The following CSGALNACT1 variants were observed in gnomAD, a reference collection of about 807,000 sequenced individuals.
The protein encoded by CSGALNACT1 is chondroitin sulfate N-acetylgalactosaminyltransferase 1.
A neutral mutation model predicts 51.0 loss-of-function variants in CSGALNACT1; 52 were observed. The ratio of observed to expected loss-of-function variants is 1.02; its 90% CI spans 0.82 to 1.29. The LOEUF (loss-of-function observed/expected upper bound fraction) is 1.29. Ranked by LOEUF, CSGALNACT1 falls within the 50% of genes most tolerant of loss-of-function variation. CSGALNACT1 has a pLI of 0.00. For synonymous variants in CSGALNACT1, 341 were observed against 254.4 expected (o/e 1.34, Z -3.24); for missense variants, 935 against 679.2 (o/e 1.38, Z -4.19).
At chr8:19,559,828 T>G (rs1039744073) in intron 3 of CSGALNACT1, among the ~76,000 whole-genome samples, 21 of 152,162 alleles carry the variant, frequency 1.4e-4, no homozygotes, top group Non-Finnish European at 4.4e-5. Context: ...CAAATGAACT[T>G]ATAGAATCAA....
chr8:19,578,659 C>G (rs2044839659), intron 3 of CSGALNACT1, among the ~76,000 whole-genome samples: 1 of 152,036 alleles, frequency 6.6e-6, no homozygotes, highest in African/African-American at 2.4e-5. Context: ...CTACCCACCT[C>G]CCTCTAGACC....
chr8:19,596,771 T>C (rs902966522), intron 2 of CSGALNACT1, among the ~76,000 whole-genome samples: 8 of 152,238 alleles, frequency 5.3e-5, no homozygotes, highest in African/African-American at 1.4e-4. Flanking sequence ...TTATTTTTAC[T>C]TTTAAAGGAT....
rs1386376643 is a variant in CSGALNACT1 at position 19,667,100 on chromosome 8, G to GA, written c.-544+15372_-544+15373insT. 5.5e-5 allele frequency among the ~76,000 whole-genome samples: 3 copies of GA among 54,102 alleles called. 1 individual carries two copies. Among genetic ancestry groups the GA allele is most frequent in the African/African-American group, 1.7e-4 (2 of 11,742 alleles). 35.5% of individuals were successfully genotyped at this position (54,102 alleles called of 152,430 possible). ...GAAAGAAAGAAAGAAAGAAAGAAAG[G>GA]GAAAGAAATCTCATCACAATATCAA... On this transcript the variant is annotated intron_variant, in intron 1 of 9. Transcript: ENST00000332246.
At chr8:19,671,793 A>G (rs1366903877) in intron 1 of CSGALNACT1, among the ~76,000 whole-genome samples, 1 of 152,118 alleles carries the variant, frequency 6.6e-6, no homozygotes. Context: ...GAGAATATAG[A>G]TTTACCAAAT....
At chr8:19,641,126 GTCT>G (rs2056689556) in intron 1 of CSGALNACT1, among the ~76,000 whole-genome samples, 1 of 126,058 alleles carries the variant, frequency 7.9e-6, no homozygotes, top group East Asian at 2.5e-4. Flanking sequence ...ATGGTGACTG[GTCT>G]TTTTTTTTTT....
chr8:19,624,210 C>G (rs1484015756), intron 1 of CSGALNACT1, among the ~76,000 whole-genome samples: 1 of 152,120 alleles, frequency 6.6e-6, no homozygotes, highest in African/African-American at 2.4e-5. Flanking sequence ...TTCCTGATAG[C>G]CCTTATTGTC....
chr8:19,515,587 C>G (rs1300284596), intron 3 of CSGALNACT1, among the ~76,000 whole-genome samples: 1 of 152,208 alleles, frequency 6.6e-6, no homozygotes, highest in African/African-American at 2.4e-5. Flanking sequence ...AATTCTGATT[C>G]AATTTCCCTG....
intron 6 of CSGALNACT1, among the ~76,000 whole-genome samples, chr8:19,427,708 A>T (rs1233907435): frequency 6.6e-6 from 1 of 152,144 alleles, no homozygotes; most frequent in Admixed American, 6.5e-5. Flanking sequence ...GAATGGTGTG[A>T]ACCCAGTGGG....
intron 1 of CSGALNACT1, among the ~76,000 whole-genome samples, chr8:19,639,103 T>C (rs1014615918): frequency 6.6e-6 from 1 of 152,168 alleles, no homozygotes; most frequent in Non-Finnish European, 1.5e-5. Context: ...AATATGAATG[T>C]TTCCCTAGCC....
At chr8:19,545,838 A>G (rs940396684) in intron 3 of CSGALNACT1, among the ~76,000 whole-genome samples, 3 of 148,282 alleles carry the variant, frequency 2.0e-5, no homozygotes, top group African/African-American at 4.9e-5. Context: ...TATATTATGT[A>G]TATATAATAG....
At chr8:19,722,213 G>A (rs1015684467) in intron 1 of CSGALNACT1, among the ~76,000 whole-genome samples, 6 of 152,050 alleles carry the variant, frequency 3.9e-5, no homozygotes, top group Non-Finnish European at 7.4e-5. Context: ...GCTTGAGACC[G>A]CCCTGCCTCT....
At chr8:19,546,635 T>C (rs1002082171) in intron 3 of CSGALNACT1, among the ~76,000 whole-genome samples, 2 of 152,238 alleles carry the variant, frequency 1.3e-5, no homozygotes, top group Non-Finnish European at 2.9e-5. Context: ...GTCAGTATTC[T>C]CATGAATATT....
chr8:19,451,321 A>G (rs992050137), intron 5 of CSGALNACT1, among the ~76,000 whole-genome samples: 2 of 152,120 alleles, frequency 1.3e-5, no homozygotes, highest in African/African-American at 4.8e-5. Flanking sequence ...ATTAGTCCCA[A>G]TTTCTAGGTG....
At position 19,411,761 on chromosome 8, in the gene CSGALNACT1, G is replaced by T. The variant is rs536592559; in HGVS notation, c.1228-3067C>A. On this transcript the variant is annotated intron_variant, in intron 8 of 9. Transcript: ENST00000454498. ...GGAGGAAGGAACCCTAAGATAAAGA[G>T]GAGACTTTAAAAGAAAAACATCTAT... 9.8e-4 allele frequency among the ~76,000 whole-genome samples: 149 copies of T among 152,164 alleles called. 1 individual carries two copies. The highest frequency in any genetic ancestry group is 3.5e-3 in the African/African-American group (144 of 41,540).
intron 1 of CSGALNACT1, among the ~76,000 whole-genome samples, chr8:19,653,849 T>A (rs1006484249): frequency 1.3e-5 from 2 of 151,982 alleles, no homozygotes; most frequent in African/African-American, 4.8e-5. Flanking sequence ...CTCTTGAGCA[T>A]CAAATCCTTC....
intron 3 of CSGALNACT1, among the ~76,000 whole-genome samples, chr8:19,509,732 T>G (rs746674577): frequency 4.0e-5 from 6 of 149,620 alleles, no homozygotes; most frequent in Non-Finnish European, 8.9e-5. Flanking sequence ...AGCCACAAAA[T>G]CTCTGTGCAA....
At chr8:19,699,115 T>C (rs1405398552) in intron 1 of CSGALNACT1, among the ~76,000 whole-genome samples, 3 of 152,362 alleles carry the variant, frequency 2.0e-5, no homozygotes, top group Middle Eastern at 3.4e-3. Flanking sequence ...ACTCAAGCAA[T>C]CTGCCTGCCT....
chr8:19,557,335 A>G (rs1243279337), intron 3 of CSGALNACT1, among the ~76,000 whole-genome samples: 1 of 152,110 alleles, frequency 6.6e-6, no homozygotes, highest in Non-Finnish European at 1.5e-5. Context: ...CTCTCTTCAG[A>G]CTATTATATG....
chr8:19,525,851 G>C (rs1409071930), intron 3 of CSGALNACT1, among the ~76,000 whole-genome samples: 1 of 152,016 alleles, frequency 6.6e-6, no homozygotes, highest in Non-Finnish European at 1.5e-5. Context: ...GCCAGGGGTG[G>C]CTCTATTTTG....
Sources: allele counts gnomAD v4.1 joint callset (sites outside exome capture counted in the v4.1 genomes callset), GRCh38; gene constraint gnomAD v4.1.1; transcripts MANE v1.5; gene names NCBI Gene and HGNC (gene_info 2026-07-23, HGNC 2026-07-21).